JMJD1C: variants seen among roughly 807,000 people sequenced by gnomAD.
JMJD1C encodes the protein jumonji domain containing 1C.
Under a neutral mutation model 245.3 loss-of-function variants are expected in JMJD1C, and 31 were observed. The ratio of observed to expected loss-of-function variants is 0.13; its 90% CI spans 0.09 to 0.17. The LOEUF (loss-of-function observed/expected upper bound fraction) is 0.17. Ranked by LOEUF, JMJD1C falls within the 10% of genes least tolerant of loss-of-function variation. The probability of loss-of-function intolerance (pLI) is 1.00; values close to 1 mark genes in which losing one functional copy is unlikely to be tolerated. For synonymous variants in JMJD1C, 1,057 were observed against 1,017.4 expected (o/e 1.04, Z -0.74); for missense variants, 2,691 against 3,000.2 (o/e 0.90, Z 2.41).
At chr10:63,204,733 G>A in intron 10 of JMJD1C, 1 of 985,390 alleles carries the variant, frequency 1.0e-6, no homozygotes, top group Non-Finnish European at 1.2e-6. Context: ...GACTATGCTT[G>A]CATTTCAGTC....
intron 2 of JMJD1C, among the ~76,000 whole-genome samples, chr10:63,313,598 A>G (rs951275137): frequency 6.6e-6 from 1 of 152,162 alleles, no homozygotes; most frequent in Non-Finnish European, 1.5e-5. Flanking sequence ...ATCTGCACCA[A>G]TATCCATTAT....
intron 12 of JMJD1C, among the ~76,000 whole-genome samples, 161 bp from the exon 13 acceptor site, chr10:63,197,724 T>C (rs1277417656): frequency 1.3e-5 from 2 of 152,236 alleles, no homozygotes; most frequent in Admixed American, 6.5e-5. Flanking sequence ...TTTGTAATTC[T>C]CTTTAGAAGA....
intron 2 of JMJD1C, among the ~76,000 whole-genome samples, chr10:63,272,468 C>T (rs1856422040): frequency 6.6e-6 from 1 of 152,196 alleles, no homozygotes; most frequent in Non-Finnish European, 1.5e-5. Flanking sequence ...CCAGGCTGGT[C>T]TCAAACTCCT....
upstream of JMJD1C, among the ~76,000 whole-genome samples, chr10:63,466,956 G>C (rs1953316537): frequency 6.6e-6 from 1 of 151,922 alleles, no homozygotes; most frequent in Admixed American, 6.6e-5. Flanking sequence ...CTTTTTTATA[G>C]GTAGTCCAAT....
intron 3 of JMJD1C, chr10:63,222,299 AT>A: frequency 1.6e-6 from 2 of 1,290,026 alleles, no homozygotes; most frequent in Non-Finnish European, 2.3e-6. Flanking sequence ...AAAGTTTATG[AT>A]TACAGGTGGA....
intron 3 of JMJD1C, among the ~76,000 whole-genome samples, chr10:63,242,589 G>A (rs1250482286): frequency 6.6e-6 from 1 of 152,174 alleles, no homozygotes; most frequent in East Asian, 1.9e-4. Flanking sequence ...AGCTGGGCAT[G>A]GTGGCACATG....
At chr10:63,429,731 C>T (rs1376861730) in intron 1 of JMJD1C, among the ~76,000 whole-genome samples, 1 of 152,084 alleles carries the variant, frequency 6.6e-6, no homozygotes, top group Non-Finnish European at 1.5e-5. Flanking sequence ...AAAACCAAAG[C>T]AAAAAGAAGA....
intron 2 of JMJD1C, among the ~76,000 whole-genome samples, chr10:63,334,684 G>GC (rs1013728198): frequency 1.7e-4 from 26 of 150,186 alleles, no homozygotes; most frequent in African/African-American, 6.1e-4. Context: ...TTGTGCCAAT[G>GC]CCCCCCAGCC....
At chr10:63,333,930 A>C (rs1212762702) in intron 2 of JMJD1C, among the ~76,000 whole-genome samples, 1 of 152,208 alleles carries the variant, frequency 6.6e-6, no homozygotes, top group Non-Finnish European at 1.5e-5. Context: ...CTAAATCCAA[A>C]TACCAAAATG....
At chr10:63,244,642 CAG>C (rs1851932036) in intron 3 of JMJD1C, among the ~76,000 whole-genome samples, 1 of 152,174 alleles carries the variant, frequency 6.6e-6, no homozygotes, top group East Asian at 1.9e-4. Flanking sequence ...TTTAAGAAAA[CAG>C]AGTGATCTCC....
chr10:63,283,636 G>C (rs1857652894), intron 2 of JMJD1C, among the ~76,000 whole-genome samples: 1 of 152,064 alleles, frequency 6.6e-6, no homozygotes, highest in African/African-American at 2.4e-5. Flanking sequence ...CGAAGGGCTG[G>C]GATTACAGGC....
chr10:63,403,285 A>G (rs200943951), intron 1 of JMJD1C, among the ~76,000 whole-genome samples: 2 of 152,212 alleles, frequency 1.3e-5, no homozygotes, highest in East Asian at 3.8e-4. Flanking sequence ...TACATTCCAG[A>G]TAAGTACCAA....
chr10:63,409,007 CA>C (rs1017620163), intron 1 of JMJD1C, among the ~76,000 whole-genome samples: 1 of 151,748 alleles, frequency 6.6e-6, no homozygotes, highest in Non-Finnish European at 1.5e-5. Flanking sequence ...TCATTAATTC[CA>C]AAAAAATAGT....
At chr10:63,226,720 A>AAG (rs1213311553) in intron 3 of JMJD1C, among the ~76,000 whole-genome samples, 467 of 146,088 alleles carry the variant, frequency 3.2e-3, no homozygotes, top group Non-Finnish European at 5.6e-3. Context: ...GTTTCAAAAA[A>AAG]AAAAAAAAAA....
intron 1 of JMJD1C, among the ~76,000 whole-genome samples, chr10:63,457,540 G>A (rs1018275104): frequency 3.3e-5 from 5 of 151,972 alleles, no homozygotes; most frequent in African/African-American, 1.2e-4. Context: ...ACAACAAACA[G>A]TAAGCAAAGG....
intron 1 of JMJD1C, among the ~76,000 whole-genome samples, chr10:63,494,769 T>C (rs1278775959): frequency 6.6e-6 from 1 of 152,226 alleles, no homozygotes; most frequent in African/African-American, 2.4e-5. Flanking sequence ...AAGCAAAATG[T>C]ACGCTGACAA....
At chr10:63,276,034 C>G (rs1349176646) in intron 2 of JMJD1C, among the ~76,000 whole-genome samples, 1 of 152,140 alleles carries the variant, frequency 6.6e-6, no homozygotes, top group Non-Finnish European at 1.5e-5. Context: ...ATAAACAATA[C>G]TATGAACGTC....
chr10:63,246,867 T>G (rs1270036037), intron 3 of JMJD1C, among the ~76,000 whole-genome samples: 1 of 151,648 alleles, frequency 6.6e-6, no homozygotes, highest in Non-Finnish European at 1.5e-5. Flanking sequence ...ATAAAGAAAC[T>G]TAATTAAATT....
intron 8 of JMJD1C, among the ~76,000 whole-genome samples, chr10:63,212,838 ATATAT>A (rs1456001819): frequency 2.0e-5 from 3 of 151,050 alleles, no homozygotes; most frequent in Non-Finnish European, 1.5e-5. Context: ...TTTGTATTAT[ATATAT>A]TATAATTATT....
Sources: gnomAD v4.1 joint callset for allele counts (sites outside exome capture counted in the v4.1 genomes callset) on GRCh38, gnomAD v4.1.1 for gene constraint, MANE v1.5 for transcripts, NCBI Gene and HGNC (gene_info 2026-07-23, HGNC 2026-07-21) for gene names.